Variants in RALGPS2 observed in about 807,000 individuals in gnomAD.
RALGPS2 encodes the protein ras-specific guanine nucleotide-releasing factor RalGPS2.
Under a neutral mutation model 86.8 loss-of-function variants are expected in RALGPS2, and 43 were observed. The observed-to-expected ratio is 0.50, with a 90% confidence interval of 0.39 to 0.64. The LOEUF is 0.64. RALGPS2 is among the 30% of genes least tolerant of loss of function. RALGPS2 has a pLI of 0.00. For synonymous variants in RALGPS2, 243 were observed against 231.3 expected (o/e 1.05, Z -0.46); for missense variants, 536 against 694.6 (o/e 0.77, Z 2.57).
chr1:178,797,339 T>C (rs964250151), intron 4 of RALGPS2, among the ~76,000 whole-genome samples: 1 of 152,016 alleles, frequency 6.6e-6, no homozygotes, highest in Non-Finnish European at 1.5e-5. Context: ...CAGAGAAATT[T>C]AGCAGCTCTT....
At position 178,833,463 on chromosome 1, in the gene RALGPS2, G is replaced by A; in HGVS notation, c.520G>A (p.Glu174Lys). ...RKDKTTFEKLEYVMSKEDNYK... is the reference protein window; with the variant it reads ...RKDKTTFEKLKYVMSKEDNYK... ...AGACAAAACTACCTTTGAAAAATTA[G>A]AATATGTAATGAGTAAAGAAGATAA... Residue 174 changes from glutamate to lysine, a missense_variant, in exon 8 of 20, where the codon GAA (glutamate) becomes AAA (lysine). Transcript: ENST00000367635. The A allele has an allele frequency of 2.6e-6, 4 of 1,520,698 alleles. No individual in the cohort carries two copies. The highest frequency in any genetic ancestry group is 3.5e-6 in the Non-Finnish European group (4 of 1,146,778). 94.2% of individuals were successfully genotyped at this position (1,520,698 alleles called of 1,614,324 possible).
At chr1:178,742,531 A>G (rs966378832) in intron 1 of RALGPS2, among the ~76,000 whole-genome samples, 2 of 152,226 alleles carry the variant, frequency 1.3e-5, no homozygotes, top group Non-Finnish European at 2.9e-5. Context: ...CTCTTCTCTC[A>G]GTAAATGATA....
chr1:178,818,544 A>C (rs867846120), intron 6 of RALGPS2, among the ~76,000 whole-genome samples: 2 of 152,198 alleles, frequency 1.3e-5, no homozygotes, highest in Non-Finnish European at 2.9e-5. Context: ...TAAGTCCCAG[A>C]GATCTCTCTC....
At chr1:178,914,983 A>C (rs1316495958) in intron 19 of RALGPS2, among the ~76,000 whole-genome samples, 1 of 152,170 alleles carries the variant, frequency 6.6e-6, no homozygotes, top group Non-Finnish European at 1.5e-5. Context: ...AGATGAATCT[A>C]GACAATATAT....
At chr1:178,804,411 A>G (rs1461724317) in intron 4 of RALGPS2, among the ~76,000 whole-genome samples, 2 of 126,476 alleles carry the variant, frequency 1.6e-5, no homozygotes, top group East Asian at 2.6e-4. Flanking sequence ...ATATCTCCCA[A>G]TGCTATCCCT....
chr1:178,854,935 C>T (rs1572406109), intron 8 of RALGPS2, among the ~76,000 whole-genome samples: 2 of 152,100 alleles, frequency 1.3e-5, no homozygotes, highest in African/African-American at 4.8e-5. Flanking sequence ...TCCAGTGTTT[C>T]GAGCCTTTTT....
intron 8 of RALGPS2, among the ~76,000 whole-genome samples, chr1:178,844,969 C>G (rs1656796292): frequency 6.6e-6 from 1 of 152,018 alleles, no homozygotes; most frequent in Non-Finnish European, 1.5e-5. Flanking sequence ...CACCTGAGGT[C>G]AGGAGTTCGA....
intron 4 of RALGPS2, among the ~76,000 whole-genome samples, chr1:178,791,648 A>G (rs1558121737): frequency 6.6e-6 from 1 of 152,152 alleles, no homozygotes; most frequent in Admixed American, 6.5e-5. Flanking sequence ...TATAATATAT[A>G]TCTCCCACTC....
intron 8 of RALGPS2, among the ~76,000 whole-genome samples, chr1:178,847,249 T>C (rs1348626000): frequency 1.3e-5 from 2 of 152,144 alleles, no homozygotes; most frequent in African/African-American, 4.8e-5. Context: ...AGTTCGAGAC[T>C]AGCCTGGCCA....
chr1:178,909,244 C>T (rs1660509625), intron 19 of RALGPS2, among the ~76,000 whole-genome samples: 1 of 152,182 alleles, frequency 6.6e-6, no homozygotes, highest in South Asian at 2.1e-4. Flanking sequence ...GCTCTCTATA[C>T]TGTTCCATTG....
intron 17 of RALGPS2, among the ~76,000 whole-genome samples, chr1:178,901,746 A>G (rs1256850107): frequency 6.6e-6 from 1 of 151,944 alleles, no homozygotes; most frequent in East Asian, 1.9e-4. Flanking sequence ...CAGATTTAAG[A>G]CAGCATAGCT....
intron 8 of RALGPS2, chr1:178,869,157 A>T (rs1302904045): frequency 6.6e-6 from 1 of 152,036 alleles, no homozygotes; most frequent in Non-Finnish European, 1.5e-5. Flanking sequence ...GAAGAGAAAA[A>T]AAAGTCTTCT....
intron 18 of RALGPS2, among the ~76,000 whole-genome samples, chr1:178,902,644 A>G (rs1314816217): frequency 6.6e-6 from 1 of 152,024 alleles, no homozygotes; most frequent in African/African-American, 2.4e-5. Flanking sequence ...AAGTTCTGAA[A>G]GTGGCAGAGT....
At chr1:178,903,548 A>G (rs1660265100) in intron 18 of RALGPS2, among the ~76,000 whole-genome samples, 1 of 152,050 alleles carries the variant, frequency 6.6e-6, no homozygotes, top group South Asian at 2.1e-4. Context: ...TATCATTCTT[A>G]TGCTTTTGCA....
chr1:178,757,894 G>T (rs542772063), intron 1 of RALGPS2, among the ~76,000 whole-genome samples: 29 of 152,144 alleles, frequency 1.9e-4, no homozygotes, highest in Admixed American at 1.9e-3. Context: ...ATGTCTGGTA[G>T]AATTTGTGAA....
At chr1:178,801,773 A>G (rs1318087894) in intron 4 of RALGPS2, among the ~76,000 whole-genome samples, 1 of 148,372 alleles carries the variant, frequency 6.7e-6, no homozygotes, top group Non-Finnish European at 1.5e-5. Flanking sequence ...GAGCTAATAA[A>G]CACCACACCA....
chr1:178,897,552 G>T, intron 16 of RALGPS2, 112 bp from the exon 17 acceptor site: 1 of 823,806 alleles, frequency 1.2e-6, no homozygotes, highest in South Asian at 1.5e-5. Context: ...TCAACTCTGA[G>T]GTTAGGACTT....
chr1:178,784,750 G>A (rs1386394955), intron 3 of RALGPS2, among the ~76,000 whole-genome samples: 2 of 151,852 alleles, frequency 1.3e-5, no homozygotes, highest in African/African-American at 2.4e-5. Flanking sequence ...ACTTCAATTT[G>A]GTAAGTAGCA....
chr1:178,781,817 G>A (rs1193325537), intron 2 of RALGPS2, among the ~76,000 whole-genome samples: 1 of 152,014 alleles, frequency 6.6e-6, no homozygotes, highest in Non-Finnish European at 1.5e-5. Context: ...TTAACATTAT[G>A]AAAAAAATGT....
Sources: allele counts gnomAD v4.1 joint callset (sites outside exome capture counted in the v4.1 genomes callset), GRCh38; gene constraint gnomAD v4.1.1; transcripts MANE v1.5; gene names NCBI Gene and HGNC (gene_info 2026-07-23, HGNC 2026-07-21).